Variants in FHOD3 observed in about 807,000 individuals in gnomAD.
FHOD3 encodes the protein FH1/FH2 domain-containing protein 3.
In FHOD3, 90 loss-of-function variants were observed where a neutral mutation model predicts 173.0. The observed-to-expected ratio is 0.52, with a 90% CI of 0.44 to 0.62. The LOEUF (loss-of-function observed/expected upper bound fraction) is 0.62, where lower values mean the gene tolerates loss of function less well. Among genes scored for constraint, FHOD3 ranks in the 20% least tolerant of loss-of-function variants. FHOD3 has a pLI of 0.00. For synonymous variants in FHOD3, 828 were observed against 823.0 expected, an observed-to-expected ratio of 1.01 and a Z score of -0.10; for missense variants, 1,945 against 2,034.7, an observed-to-expected ratio of 0.96 and a Z score of 0.85.
At chr18:36,614,840 ATTT>A (rs751719654) in intron 9 of FHOD3, among the ~76,000 whole-genome samples, 14 of 86,176 alleles carry the variant, frequency 1.6e-4, no homozygotes, top group African/African-American at 6.7e-4. Context: ...TTTTTAATTG[ATTT>A]TTTTTTTTTT....
chr18:36,345,309 A>AT (rs2045829402), intron 1 of FHOD3, among the ~76,000 whole-genome samples: 1 of 152,242 alleles, frequency 6.6e-6, no homozygotes, highest in Non-Finnish European at 1.5e-5. Context: ...CTTTTAAATA[A>AT]TTTTTGGATC....
intron 9 of FHOD3, among the ~76,000 whole-genome samples, chr18:36,619,549 G>T (rs1258888608): frequency 6.6e-6 from 1 of 152,158 alleles, no homozygotes; most frequent in African/African-American, 2.4e-5. Flanking sequence ...CATTTCCTTA[G>T]CTCTGGCCCT....
chr18:36,412,020 T>C (rs1366533448), intron 3 of FHOD3, among the ~76,000 whole-genome samples: 1 of 152,188 alleles, frequency 6.6e-6, no homozygotes, highest in Non-Finnish European at 1.5e-5. Context: ...GAGTGGTGAG[T>C]AGGATTTGAG....
chr18:36,364,446 C>A (rs2046790231), intron 2 of FHOD3, among the ~76,000 whole-genome samples: 1 of 152,122 alleles, frequency 6.6e-6, no homozygotes, highest in Admixed American at 6.5e-5. Flanking sequence ...TGATTTTGGC[C>A]AGACGCTCGA....
intron 3 of FHOD3, among the ~76,000 whole-genome samples, chr18:36,440,854 C>T (rs1316854256): frequency 6.6e-6 from 1 of 152,058 alleles, no homozygotes; most frequent in Non-Finnish European, 1.5e-5. Flanking sequence ...GGCACTTGGC[C>T]CATCTCTATT....
chr18:36,485,452 G>T lies in FHOD3; in HGVS notation c.338-16480G>T, dbSNP rs145798529. Among the ~76,000 whole-genome samples the T allele has an allele frequency of 9.8e-5, 15 of 152,294 alleles. No homozygotes were observed. The East Asian group carries it at 2.7e-3, about 28-fold the overall frequency. On this transcript the variant is annotated intron_variant, in intron 3 of 28. Coordinates refer to ENST00000590592, the MANE Select transcript of FHOD3 (RefSeq NM_001281740.3). ...CTGTGAGCATGCGCCCACCCATAGG[G>T]CCTGTGGTGGTTTCTCTTAGCAGCT...
chr18:36,632,452 CTTCAGA>C (rs1181989102), intron 10 of FHOD3, among the ~76,000 whole-genome samples: 1 of 152,060 alleles, frequency 6.6e-6, no homozygotes, highest in African/African-American at 2.4e-5. Context: ...ATATGAAAAC[CTTCAGA>C]TTCAAAGTAG....
chr18:36,623,807 G>A (rs1053418338), intron 9 of FHOD3, among the ~76,000 whole-genome samples: 1 of 152,186 alleles, frequency 6.6e-6, no homozygotes, highest in African/African-American at 2.4e-5. Context: ...GGGCAGATAA[G>A]GGTGGATACA....
intron 16 of FHOD3, among the ~76,000 whole-genome samples, chr18:36,692,200 T>G (rs1343690813): frequency 6.6e-6 from 1 of 152,250 alleles, no homozygotes; most frequent in Non-Finnish European, 1.5e-5. Context: ...ATGCATTGTT[T>G]TAAAATATTT....
intron 1 of FHOD3, among the ~76,000 whole-genome samples, chr18:36,300,338 C>T (rs976052651): frequency 2.0e-5 from 3 of 152,182 alleles, no homozygotes; most frequent in Admixed American, 1.3e-4. Context: ...GAGGGGTTCA[C>T]CCGGTCACCT....
chr18:36,461,538 G>T (rs1269613893), intron 3 of FHOD3, among the ~76,000 whole-genome samples: 1 of 151,452 alleles, frequency 6.6e-6, no homozygotes, highest in African/African-American at 2.4e-5. Context: ...TGGAATTGCT[G>T]GCATTGGAAT....
chr18:36,703,151 T>C (rs2039682801), intron 17 of FHOD3, among the ~76,000 whole-genome samples: 1 of 152,106 alleles, frequency 6.6e-6, no homozygotes, highest in Non-Finnish European at 1.5e-5. Context: ...AGAAACTTGG[T>C]GAATGACTAG....
intron 3 of FHOD3, among the ~76,000 whole-genome samples, chr18:36,387,742 C>T (rs1009243003): frequency 6.6e-6 from 1 of 152,150 alleles, no homozygotes; most frequent in East Asian, 1.9e-4. Context: ...CCCTGCTGCT[C>T]CTCCACCCCG....
At chr18:36,387,829 C>T (rs1217588186) in intron 3 of FHOD3, among the ~76,000 whole-genome samples, 4 of 152,072 alleles carry the variant, frequency 2.6e-5, no homozygotes, top group Non-Finnish European at 5.9e-5. Context: ...TTGCCCCTTG[C>T]TTTGCCAGTG....
intron 5 of FHOD3, among the ~76,000 whole-genome samples, chr18:36,553,948 C>T (rs572380755): frequency 6.6e-6 from 1 of 152,282 alleles, no homozygotes; most frequent in East Asian, 1.9e-4. Flanking sequence ...TACCATCTCA[C>T]ACCAGTTAGA....
At chr18:36,515,874 G>C (rs1451679002) in intron 5 of FHOD3, among the ~76,000 whole-genome samples, 1 of 152,152 alleles carries the variant, frequency 6.6e-6, no homozygotes, top group Non-Finnish European at 1.5e-5. Flanking sequence ...TCTTTCCACA[G>C]AACAGAGGTG....
intron 3 of FHOD3, among the ~76,000 whole-genome samples, chr18:36,390,814 G>A (rs144436856): frequency 5.4e-4 from 82 of 152,284 alleles, no homozygotes; most frequent in African/African-American, 1.9e-3. Flanking sequence ...TGAAGGGGAA[G>A]TAGGAAGTTA....
chr18:36,619,846 G>C (rs1031376501), intron 9 of FHOD3, among the ~76,000 whole-genome samples: 3 of 152,228 alleles, frequency 2.0e-5, no homozygotes, highest in Non-Finnish European at 1.5e-5. Context: ...CAGCAGCAAG[G>C]AAGGAAGGCC....
At chr18:36,382,802 T>C (rs140080880) in intron 3 of FHOD3, among the ~76,000 whole-genome samples, 1 of 149,520 alleles carries the variant, frequency 6.7e-6, no homozygotes, top group African/African-American at 2.5e-5. Context: ...TGTCTCTATA[T>C]TTTGACTTGC....
Sources: gnomAD v4.1 joint callset for allele counts (sites outside exome capture counted in the v4.1 genomes callset) on GRCh38, gnomAD v4.1.1 for gene constraint, MANE v1.5 for transcripts, NCBI Gene and HGNC (gene_info 2026-07-23, HGNC 2026-07-21) for gene names.